The following DSCAML1 variants were observed in gnomAD, a reference collection of about 807,000 sequenced individuals.
DSCAML1 encodes DS cell adhesion molecule like 1.
DSCAML1 carries 38 observed loss-of-function variants against 200.5 expected under a neutral mutation model. That is an observed-to-expected ratio of 0.19 (90% confidence interval 0.15 to 0.25). DSCAML1 has a LOEUF of 0.25. Among genes scored for constraint, DSCAML1 ranks in the 10% least tolerant of loss-of-function variants. The probability of loss-of-function intolerance (pLI) is 1.00; values close to 1 mark genes in which losing one functional copy is unlikely to be tolerated. For synonymous variants in DSCAML1, 1,215 were observed against 1,165.0 expected (o/e 1.04, Z -0.87); for missense variants, 2,223 against 2,858.8 (o/e 0.78, Z 5.07).
intron 3 of DSCAML1, among the ~76,000 whole-genome samples, chr11:117,749,654 C>T (rs992650625): frequency 6.6e-6 from 1 of 152,244 alleles, no homozygotes; most frequent in African/African-American, 2.4e-5. Context: ...AGGCCCAGAA[C>T]ACAGATGAAC....
chr11:117,495,411 GTC>G (rs2049272160), intron 11 of DSCAML1, among the ~76,000 whole-genome samples: 1 of 152,180 alleles, frequency 6.6e-6, no homozygotes, highest in Admixed American at 6.5e-5. Context: ...CACGTCTAGA[GTC>G]TCTGTGGACT....
intron 16 of DSCAML1, among the ~76,000 whole-genome samples, chr11:117,467,200 C>T (rs1336796862): frequency 7.5e-6 from 1 of 133,958 alleles, no homozygotes; most frequent in Non-Finnish European, 1.6e-5. Flanking sequence ...CACACCTCCC[C>T]CCTCCCCCCG....
intron 11 of DSCAML1, among the ~76,000 whole-genome samples, chr11:117,491,396 C>T (rs977934923): frequency 8.5e-5 from 13 of 152,226 alleles, no homozygotes; most frequent in Non-Finnish European, 1.0e-4. Context: ...AAATAAATTG[C>T]CCCTGGTCAC....
intron 3 of DSCAML1, among the ~76,000 whole-genome samples, chr11:117,603,370 A>C (rs1700829502): frequency 1.3e-5 from 2 of 152,142 alleles, no homozygotes; most frequent in South Asian, 4.1e-4. Flanking sequence ...CGTGTAAATC[A>C]CATGGTGGCG....
At chr11:117,583,122 A>G (rs1342081210) in intron 3 of DSCAML1, among the ~76,000 whole-genome samples, 2 of 151,984 alleles carry the variant, frequency 1.3e-5, no homozygotes, top group East Asian at 3.9e-4. Flanking sequence ...ATCTAGTTCA[A>G]GAAACCATGG....
intron 4 of DSCAML1, among the ~76,000 whole-genome samples, chr11:117,526,244 C>T (rs749670690): frequency 2.5e-4 from 38 of 152,204 alleles, no homozygotes; most frequent in Non-Finnish European, 4.7e-4. Flanking sequence ...GCTGCTTATC[C>T]TCAATGCCAA....
Position 117,516,757 on chromosome 11 carries a change from G to A in DSCAML1, c.1511-18C>T. The A allele has an allele frequency of 6.2e-7, 1 of 1,603,264 alleles. No homozygotes were observed. Among genetic ancestry groups the A allele is most frequent in the Non-Finnish European group, 8.5e-7 (1 of 1,173,858 alleles). ...GGGTGGGCCTGGGCAGGAGTCAGAAGAGAGGAGGAGGAGGAGAAGGGCATG... is the reference window on the plus strand; with the variant it reads ...GGGTGGGCCTGGGCAGGAGTCAGAAAAGAGGAGGAGGAGGAGAAGGGCATG... On this transcript the variant is annotated intron_variant, in intron 7 of 32. Transcript: ENST00000651296. This position sits in a 1 kb window ranked among gnomAD's most constrained non-coding sequence, Gnocchi z 5.7.
chr11:117,512,347 T>C (rs1389401159), intron 8 of DSCAML1, among the ~76,000 whole-genome samples: 1 of 151,150 alleles, frequency 6.6e-6, no homozygotes, highest in Admixed American at 6.6e-5. Context: ...CCCCCCTCCT[T>C]GGGTAGTTCT....
intron 3 of DSCAML1, among the ~76,000 whole-genome samples, chr11:117,740,364 A>G (rs2054399185): frequency 6.6e-6 from 1 of 152,130 alleles, no homozygotes; most frequent in Non-Finnish European, 1.5e-5. Context: ...TTAGTGTTCT[A>G]TCTACATCTA....
chr11:117,553,930 A>G (rs936201229), intron 3 of DSCAML1, among the ~76,000 whole-genome samples: 1 of 152,274 alleles, frequency 6.6e-6, no homozygotes, highest in Non-Finnish European at 1.5e-5. Flanking sequence ...GAATAGATAA[A>G]TAGAACATTG....
chr11:117,450,765 G>C (rs1183476619), intron 19 of DSCAML1, 77 bp from the exon 20 acceptor site: 2 of 1,522,996 alleles, frequency 1.3e-6, no homozygotes, highest in African/African-American at 2.8e-5. Flanking sequence ...AGTTGGGAGA[G>C]GGAGGCAGAT....
At chr11:117,571,593 G>A (rs998903555) in intron 3 of DSCAML1, among the ~76,000 whole-genome samples, 3 of 152,188 alleles carry the variant, frequency 2.0e-5, no homozygotes, top group African/African-American at 7.2e-5. Context: ...GCTGGGACCA[G>A]CTATTTGAGA....
intron 20 of DSCAML1, 108 bp from the exon 21 acceptor site, chr11:117,444,147 C>G (rs1452045927): frequency 3.1e-6 from 4 of 1,295,840 alleles, no homozygotes; most frequent in Non-Finnish European, 3.1e-6. Context: ...GGGTCGGATG[C>G]GAGGCAGGAT....
chr11:117,447,177 C>T (rs967376421), intron 20 of DSCAML1, among the ~76,000 whole-genome samples: 1 of 152,024 alleles, frequency 6.6e-6, no homozygotes, highest in Non-Finnish European at 1.5e-5. Flanking sequence ...AATCTCAGCT[C>T]CTTGGGAGGC....
chr11:117,573,735 C>T (rs1006442590), intron 3 of DSCAML1, among the ~76,000 whole-genome samples: 17 of 152,246 alleles, frequency 1.1e-4, no homozygotes, highest in African/African-American at 2.7e-4. Flanking sequence ...TTCTCCCTTA[C>T]GCTTCCAGAA....
At chr11:117,778,685 T>C (rs1301006338) in intron 2 of DSCAML1, among the ~76,000 whole-genome samples, 2 of 152,244 alleles carry the variant, frequency 1.3e-5, no homozygotes, top group Non-Finnish European at 2.9e-5. Context: ...TGAAAACACA[T>C]GTATAGACTT....
At chr11:117,557,231 G>A (rs1387985430) in intron 3 of DSCAML1, among the ~76,000 whole-genome samples, 1 of 152,194 alleles carries the variant, frequency 6.6e-6, no homozygotes, top group East Asian at 1.9e-4. Context: ...TGTGGCAGGG[G>A]AGGCTCTGAC....
In DSCAML1 at chr11:117,480,440, T is replaced by C. The variant is rs918489999; in HGVS notation, c.2785+3A>G. On this transcript the variant is annotated splice_donor_region_variant and intron_variant, in intron 14 of 32. Coordinates refer to ENST00000651296, the MANE Select transcript of DSCAML1 (RefSeq NM_020693.4). The surrounding 1 kb of genome is among the most constrained non-coding windows in gnomAD (Gnocchi z 4.1). ...GCTGTCACCCTCCTGGCCCAGCGCC[T>C]ACCTGATTTGTTCTTGTATTCAATG... 6.2e-7 allele frequency: 1 copy of C among 1,613,406 alleles called. No homozygotes were observed. The highest frequency in any genetic ancestry group is 8.5e-7 in the Non-Finnish European group (1 of 1,179,806).
chr11:117,652,697 G>C (rs1196598701), intron 3 of DSCAML1, among the ~76,000 whole-genome samples: 1 of 152,212 alleles, frequency 6.6e-6, no homozygotes, highest in African/African-American at 2.4e-5. Flanking sequence ...ATGAGCAGAA[G>C]GAATGCTGGG....
Sources: allele counts gnomAD v4.1 joint callset (sites outside exome capture counted in the v4.1 genomes callset), GRCh38; gene constraint gnomAD v4.1.1; non-coding constraint Gnocchi (gnomAD v3.1); transcripts MANE v1.5; gene names NCBI Gene and HGNC (gene_info 2026-07-23, HGNC 2026-07-21).